Variants in TBL1XR1 observed in about 807,000 individuals in gnomAD.
TBL1XR1 encodes F-box-like/WD repeat-containing protein TBL1XR1.
A neutral mutation model predicts 66.9 loss-of-function variants in TBL1XR1; 5 were observed. The ratio of observed to expected loss-of-function variants is 0.07; its 90% CI spans 0.04 to 0.16. The LOEUF (loss-of-function observed/expected upper bound fraction) is 0.16. Among genes scored for constraint, TBL1XR1 ranks in the 10% least tolerant of loss-of-function variants. The pLI is 1.00. For synonymous variants in TBL1XR1, 210 were observed against 206.0 expected, an observed-to-expected ratio of 1.02 and a Z score of -0.17; for missense variants, 238 against 623.2, an observed-to-expected ratio of 0.38 and a Z score of 6.58.
At chr3:177,176,682 G>A (rs894330721) in intron 1 of TBL1XR1, among the ~76,000 whole-genome samples, 56 of 151,886 alleles carry the variant, frequency 3.7e-4, no homozygotes, top group Admixed American at 3.7e-3. Context: ...AGGCGTGATG[G>A]CGCATGCCTG....
chr3:177,056,392 G>A (rs1263890744), intron 3 of TBL1XR1, among the ~76,000 whole-genome samples: 3 of 152,154 alleles, frequency 2.0e-5, no homozygotes, highest in African/African-American at 7.2e-5. Flanking sequence ...CAGATATCCT[G>A]AATTTGTTCT....
At chr3:177,176,254 G>T (rs1330194581) in intron 1 of TBL1XR1, among the ~76,000 whole-genome samples, 1 of 151,636 alleles carries the variant, frequency 6.6e-6, no homozygotes, top group African/African-American at 2.4e-5. Context: ...GAATGCAGTG[G>T]TGCGATCTCG....
At position 177,047,628 on chromosome 3, in the gene TBL1XR1, T is replaced by A. The variant is rs1394422259; in HGVS notation, c.703-79A>T. On this transcript the variant is annotated intron_variant, in intron 7 of 15. Transcript: ENST00000457928. ...GTTGTTAAAGTATTTCATGTTTAAA[T>A]CCCAGGTACAGAAGAGAATGAAGAC... 8 of 1,462,088 alleles carry A rather than the reference T, an allele frequency of 5.5e-6. No individual in the cohort carries two copies. The East Asian group carries it at 1.7e-4, about 31-fold the overall frequency. The allele number at this position is 1,462,088 out of a possible 1,614,324, so 90.6% of individuals were successfully genotyped here. A position where few individuals can be genotyped will look rare whatever the true frequency, so the allele number is the denominator to read the frequency against.
chr3:177,105,478 G>A (rs1724767784), intron 1 of TBL1XR1, among the ~76,000 whole-genome samples: 1 of 152,166 alleles, frequency 6.6e-6, no homozygotes, highest in Admixed American at 6.5e-5. Flanking sequence ...AGTTAGAAAA[G>A]AAAACTGACA....
At chr3:177,112,108 T>TC (rs1553846589) in intron 1 of TBL1XR1, among the ~76,000 whole-genome samples, 1 of 35,726 alleles carries the variant, frequency 2.8e-5, no homozygotes, top group Admixed American at 3.5e-4. Context: ...TATATATATA[T>TC]TTTTTTTTTT....
intron 1 of TBL1XR1, among the ~76,000 whole-genome samples, chr3:177,182,829 A>G (rs4083301): frequency 0.032 from 4,827 of 152,270 alleles, 259 homozygotes; most frequent in African/African-American, 0.11. Context: ...ATGGCATGTA[A>G]ATTTTTTTAA....
At chr3:177,173,576 GA>G (rs1437670461) in intron 1 of TBL1XR1, among the ~76,000 whole-genome samples, 1 of 152,102 alleles carries the variant, frequency 6.6e-6, no homozygotes, top group African/African-American at 2.4e-5. Context: ...TCCAGGTCAT[GA>G]AAAAGGGGAA....
In TBL1XR1 at chr3:177,055,299, T is replaced by C. The variant is rs141521156; in HGVS notation, c.59-1381A>G. 1.1e-3 allele frequency among the ~76,000 whole-genome samples: 171 copies of C among 152,150 alleles called. 3 individuals are homozygous for C. Among genetic ancestry groups the C allele is most frequent in the African/African-American group, 3.9e-3 (163 of 41,508 alleles). ...TTCCTAGCATGTGGCTAGGAAAATT[T>C]GGTTATTTGATAGTCAGAGTACACC... On this transcript the variant is annotated intron_variant, in intron 3 of 15. Coordinates refer to ENST00000457928, the MANE Select transcript of TBL1XR1 (RefSeq NM_024665.7).
intron 2 of TBL1XR1, among the ~76,000 whole-genome samples, chr3:177,070,047 T>C (rs902063738): frequency 6.6e-6 from 1 of 152,200 alleles, no homozygotes; most frequent in Non-Finnish European, 1.5e-5. Context: ...AGAATATTTG[T>C]TGTTTATTTG....
chr3:177,069,200 C>CT (rs2108554721), intron 2 of TBL1XR1, among the ~76,000 whole-genome samples: 1 of 152,202 alleles, frequency 6.6e-6, no homozygotes, highest in South Asian at 2.1e-4. Flanking sequence ...ATATAGGAAC[C>CT]TTGCAAGCTA....
At position 177,153,808 on chromosome 3, in the gene TBL1XR1, C is replaced by T. The variant is rs557010504; in HGVS notation, c.-122+43313G>A. ...AGGAGAATCACTTGAACCCGGGAGG[C>T]GGAGGTTGCAGTGAGCCAAGATCGC... On this transcript the variant is annotated intron_variant, in intron 1 of 15. Transcript: ENST00000457928. Among the ~76,000 whole-genome samples, 45 of 144,096 alleles carry T rather than the reference C, an allele frequency of 3.1e-4. No homozygotes were observed. In the East Asian group the frequency reaches 6.4e-3, roughly 20 times the overall value. 94.5% of individuals were successfully genotyped at this position (144,096 alleles called of 152,430 possible).
At chr3:177,107,600 A>C (rs1002179962) in intron 1 of TBL1XR1, among the ~76,000 whole-genome samples, 1 of 152,230 alleles carries the variant, frequency 6.6e-6, no homozygotes, top group Non-Finnish European at 1.5e-5. Context: ...CACCAAACTT[A>C]AAATGATACA....
chr3:177,109,834 G>T (rs1725333731), intron 1 of TBL1XR1, among the ~76,000 whole-genome samples: 1 of 152,154 alleles, frequency 6.6e-6, no homozygotes, highest in South Asian at 2.1e-4. Context: ...GTCAGAGCCA[G>T]AGTTGGTTTG....
chr3:177,036,767 A>G (rs1714848138), intron 12 of TBL1XR1, among the ~76,000 whole-genome samples: 1 of 152,216 alleles, frequency 6.6e-6, no homozygotes, highest in Admixed American at 6.5e-5. Context: ...CAAGTTTCGC[A>G]AAGTTAAATT....
chr3:177,201,414 C>G (rs79087209), upstream of TBL1XR1, among the ~76,000 whole-genome samples: 1 of 41,356 alleles, frequency 2.4e-5, no homozygotes, highest in Non-Finnish European at 5.7e-5. Flanking sequence ...GATTACATCT[C>G]AAAAAAAAAA....
rs1361219131 is a variant in TBL1XR1 at position 177,022,786 on chromosome 3, A to G, written c.*2712T>C. 6.6e-6 allele frequency: 1 copy of G among 152,534 alleles called. No homozygotes were observed. The highest frequency in any genetic ancestry group is 1.5e-5 in the Non-Finnish European group (1 of 67,962). 9.4% of individuals were successfully genotyped at this position (152,534 alleles called of 1,614,324 possible). A position where few individuals can be genotyped will look rare whatever the true frequency, so the allele number is the denominator to read the frequency against. ...TACTGCTCAAATTAGAGACAATCTT[A>G]TTGCTGTCTATTGGAGCAGCATCGT... is the stretch of plus-strand genomic sequence containing the variant. On this transcript the variant is annotated 3_prime_UTR_variant, in exon 16 of 16. Coordinates refer to ENST00000457928, the MANE Select transcript of TBL1XR1 (RefSeq NM_024665.7).
chr3:177,059,327 C>T (rs1396162598), intron 3 of TBL1XR1, among the ~76,000 whole-genome samples: 2 of 152,120 alleles, frequency 1.3e-5, no homozygotes, highest in East Asian at 3.9e-4. Context: ...TTAGCCATTA[C>T]AGACCTAATG....
At chr3:177,192,741 AACTTAC>A (rs1234390926) in intron 1 of TBL1XR1, among the ~76,000 whole-genome samples, 3 of 152,254 alleles carry the variant, frequency 2.0e-5, no homozygotes, top group Non-Finnish European at 2.9e-5. Flanking sequence ...TATCAGGAGC[AACTTAC>A]ACTTACAGGA....
intron 1 of TBL1XR1, among the ~76,000 whole-genome samples, chr3:177,119,973 A>T (rs78854175): frequency 0.019 from 2,940 of 152,298 alleles, 43 homozygotes; most frequent in Non-Finnish European, 0.031. Context: ...TCATCTAAAA[A>T]TACTGCGTAA....
Sources: allele counts gnomAD v4.1 joint callset (sites outside exome capture counted in the v4.1 genomes callset), GRCh38; gene constraint gnomAD v4.1.1; transcripts MANE v1.5; gene names NCBI Gene and HGNC (gene_info 2026-07-23, HGNC 2026-07-21).